The following COMMD6 variants were observed in gnomAD, a reference collection of about 807,000 sequenced individuals.
COMMD6 encodes the protein COMM domain containing 6, also known as COMM domain-containing protein 6.
In COMMD6, 11 loss-of-function variants were observed where a neutral mutation model predicts 13.4. The observed-to-expected ratio is 0.82, with a 90% confidence interval of 0.52 to 1.36. The LOEUF (loss-of-function observed/expected upper bound fraction) is 1.36. Ranked by LOEUF, COMMD6 falls within the 40% of genes most tolerant of loss-of-function variation. The pLI is 0.00. For synonymous variants in COMMD6, 43 were observed against 36.5 expected, an observed-to-expected ratio of 1.18 and a Z score of -0.64; for missense variants, 124 against 102.4, an observed-to-expected ratio of 1.21 and a Z score of -0.91.
Position 75,526,495 on chromosome 13 carries a change from T to C in COMMD6, c.*94A>G. On this transcript the variant is annotated 3_prime_UTR_variant, in exon 4 of 4. Transcript: ENST00000682242. ...TGGAAAAACAAAAGTGCATTTTTCATTCAATAAATGTTCCATCCTTATTTA... is the reference window on the plus strand; with the variant it reads ...TGGAAAAACAAAAGTGCATTTTTCACTCAATAAATGTTCCATCCTTATTTA... 1.2e-6 allele frequency: 1 copy of C among 858,208 alleles called. No homozygotes were observed. The highest frequency in any genetic ancestry group is 2.5e-5 in the Admixed American group (1 of 39,942). 53.2% of individuals were successfully genotyped at this position (858,208 alleles called of 1,614,324 possible). A position where few individuals can be genotyped will look rare whatever the true frequency, so the allele number is the denominator to read the frequency against.
upstream of COMMD6, among the ~76,000 whole-genome samples, chr13:75,540,195 T>G (rs543482511): frequency 1.3e-5 from 2 of 152,098 alleles, no homozygotes; most frequent in African/African-American, 4.8e-5. Context: ...GGTCTCGAAC[T>G]CCTGAGCTCA....
At chr13:75,529,987 T>G in intron 3 of COMMD6, 127 bp downstream of exon 3, 2 of 693,192 alleles carry the variant, frequency 2.9e-6, no homozygotes, top group Non-Finnish European at 4.9e-6. Context: ...ATACTACTAG[T>G]AAACGTAAAG....
chr13:75,540,533 T>C (rs17064647), upstream of COMMD6, among the ~76,000 whole-genome samples: 22,026 of 152,160 alleles, frequency 0.14, 1,687 homozygotes, highest in African/African-American at 0.17. Flanking sequence ...AACCTATCGA[T>C]CTGATTTGGG....
Position 75,526,605 on chromosome 13 carries a change from A to C in COMMD6, c.242T>G (p.Val81Gly), listed in dbSNP as rs1324055570. 3 of 1,606,628 alleles carry C rather than the reference A, an allele frequency of 1.9e-6. No individual in the cohort carries two copies. Among genetic ancestry groups the C allele is most frequent in the Non-Finnish European group, 2.6e-6 (3 of 1,175,246 alleles). Residue 81 changes from valine (V) to glycine (G), a missense_variant, in exon 4 of 4, where the codon GTT becomes GGT. Val to Gly is a moderately radical substitution (Grantham distance 109). Coordinates refer to ENST00000682242, the MANE Select transcript of COMMD6 (RefSeq NM_203495.4). ...AATCCGTCTTCACACCGTTTCAATAACTGCAGCAATTTCCTTGAACTGTCT... is the reference window on the plus strand; with the variant it reads ...AATCCGTCTTCACACCGTTTCAATACCTGCAGCAATTTCCTTGAACTGTCT... The part of the protein sequence containing the change: ...FYRQFKEIAA[V>G]IETV
upstream of COMMD6, among the ~76,000 whole-genome samples, chr13:75,540,363 CACACACACAG>C (rs2030809639): frequency 1.3e-5 from 2 of 151,670 alleles, no homozygotes; most frequent in African/African-American, 4.9e-5. Flanking sequence ...CACACACACA[CACACACACAG>C]ACACACACCC....
At chr13:75,540,931 AGT>A (rs1453093675), upstream of COMMD6, among the ~76,000 whole-genome samples, 2 of 152,206 alleles carry the variant, frequency 1.3e-5, no homozygotes, top group African/African-American at 4.8e-5. Flanking sequence ...CTTCAATTTA[AGT>A]ATTTATTTTA....
At chr13:75,534,532 A>C (rs1450462565) in intron 2 of COMMD6, among the ~76,000 whole-genome samples, 2 of 152,240 alleles carry the variant, frequency 1.3e-5, no homozygotes, top group Non-Finnish European at 2.9e-5. Context: ...AAAATAAAAG[A>C]ATATAAAAGA....
upstream of COMMD6, among the ~76,000 whole-genome samples, chr13:75,540,371 C>CACAG (rs781492364): frequency 9.6e-4 from 144 of 150,682 alleles, 1 homozygote; most frequent in South Asian, 0.029. Context: ...CACACACACA[C>CACAG]AGACACACAC....
At chr13:75,537,474 C>T (rs1046032298) in intron 2 of COMMD6, 190 bp downstream of exon 2, 1 of 1,552,430 alleles carries the variant, frequency 6.4e-7, no homozygotes, top group Non-Finnish European at 8.7e-7. Flanking sequence ...GGAAGAGGAG[C>T]TTTCATTACA....
intron 1 of COMMD6, among the ~76,000 whole-genome samples, chr13:75,545,833 G>C (rs1020940385): frequency 1.3e-5 from 2 of 151,994 alleles, no homozygotes; most frequent in African/African-American, 4.8e-5. Flanking sequence ...TGTTTTTGCA[G>C]GTGCATGCAT....
At chr13:75,529,062 A>G (rs2030369525) in intron 3 of COMMD6, among the ~76,000 whole-genome samples, 1 of 152,204 alleles carries the variant, frequency 6.6e-6, no homozygotes, top group South Asian at 2.1e-4. Context: ...TGACTTTTAG[A>G]GTACTAACTG....
At chr13:75,537,966 C>T (rs7335949), upstream of COMMD6, 529,927 of 652,532 alleles carry the variant, frequency 0.81, 218,584 homozygotes, top group East Asian at 1. Context: ...CTTAATTCAA[C>T]ATATATCTTA....
chr13:75,529,093 A>C (rs1261892173), intron 3 of COMMD6, among the ~76,000 whole-genome samples: 1 of 152,320 alleles, frequency 6.6e-6, no homozygotes, highest in East Asian at 1.9e-4. Flanking sequence ...ACTAAGTGTA[A>C]GTACTAACTT....
chr13:75,545,123 A>G (rs2030887631), intron 1 of COMMD6, among the ~76,000 whole-genome samples: 1 of 152,240 alleles, frequency 6.6e-6, no homozygotes, highest in African/African-American at 2.4e-5. Flanking sequence ...GTTTGGCAAT[A>G]CAACATACAT....
chr13:75,531,083 T>C (rs1483833659), intron 2 of COMMD6, among the ~76,000 whole-genome samples: 4 of 152,224 alleles, frequency 2.6e-5, no homozygotes, highest in Non-Finnish European at 5.9e-5. Flanking sequence ...AAAAAGTACT[T>C]GCTCACTGAC....
At position 75,535,822 on chromosome 13, in the gene COMMD6, C is replaced by T. The variant is rs182767865; in HGVS notation, c.54+1842G>A. 2.7e-3 allele frequency among the ~76,000 whole-genome samples: 409 copies of T among 152,128 alleles called. 6 individuals carry two copies. The highest frequency in any genetic ancestry group is 0.024 in the Admixed American group (366 of 15,270). On this transcript the variant is annotated intron_variant, in intron 2 of 3. Coordinates refer to ENST00000682242, the MANE Select transcript of COMMD6 (RefSeq NM_203495.4). ...GCTGGATCACAAAGTAAAAGTCTAC[C>T]GCTTTTTGTAATTTTCTTCATAAAA... is the stretch of plus-strand genomic sequence containing the variant.
At chr13:75,542,461 G>C (rs1292235330), upstream of COMMD6, among the ~76,000 whole-genome samples, 1 of 151,958 alleles carries the variant, frequency 6.6e-6, no homozygotes, top group Admixed American at 6.6e-5. Flanking sequence ...AGCTAATTTT[G>C]TATTTTTAGT....
chr13:75,539,117 C>T (rs1266798657), upstream of COMMD6, among the ~76,000 whole-genome samples: 1 of 152,170 alleles, frequency 6.6e-6, no homozygotes, highest in African/African-American at 2.4e-5. Context: ...TCTGTATGAT[C>T]TCTCCTGTTC....
At chr13:75,535,561 G>A (rs574332786) in intron 2 of COMMD6, among the ~76,000 whole-genome samples, 36 of 152,304 alleles carry the variant, frequency 2.4e-4, no homozygotes, top group Admixed American at 5.9e-4. Context: ...TCAGGTGTGA[G>A]GGAGAGTTGG....
Sources: gnomAD v4.1 joint callset for allele counts (sites outside exome capture counted in the v4.1 genomes callset) on GRCh38, gnomAD v4.1.1 for gene constraint, MANE v1.5 for transcripts, NCBI Gene and HGNC (gene_info 2026-07-23, HGNC 2026-07-21) for gene names.